The following AKAP9 variants were observed in gnomAD, a reference collection of about 807,000 sequenced individuals.
AKAP9 encodes A-kinase anchoring protein 9.
A neutral mutation model predicts 488.5 loss-of-function variants in AKAP9; 311 were observed. The ratio of observed to expected loss-of-function variants is 0.64; its 90% CI spans 0.58 to 0.70. AKAP9 has a LOEUF of 0.70. Among genes scored for constraint, AKAP9 ranks in the 30% least tolerant of loss-of-function variants. The probability of loss-of-function intolerance (pLI) is 0.00; values close to 1 mark genes in which losing one functional copy is unlikely to be tolerated. For synonymous variants in AKAP9, 1,462 were observed against 1,483.5 expected, an observed-to-expected ratio of 0.99 and a Z score of 0.33; for missense variants, 4,215 against 4,374.5, an observed-to-expected ratio of 0.96 and a Z score of 1.03.
chr7:92,108,619 G>A lies in AKAP9; in HGVS notation c.11672G>A (p.Gly3891Glu). ...TRLEALQRRLGTIQSGSTTQF... is the reference protein window; with the variant it reads ...TRLEALQRRLETIQSGSTTQF... ...CTAGAGGCACTGCAAAGACGACTTG[G>A]AACTATACAGTCAGGTGCTCTGAGT... Residue 3891 changes from glycine (G) to glutamate (E), a missense_variant, in exon 49 of 50, where the codon GGA (glycine) becomes GAA (glutamate). Transcript: ENST00000356239. The A allele has an allele frequency of 6.2e-7, 1 of 1,614,104 alleles. No homozygotes were observed.
chr7:92,093,105 G>A lies in AKAP9; in HGVS notation c.9367G>A (p.Glu3123Lys), dbSNP rs1815924003. 6 of 1,612,742 alleles carry A rather than the reference G, an allele frequency of 3.7e-6. No homozygotes were observed. The highest frequency in any genetic ancestry group is 2.2e-5 in the South Asian group (2 of 91,014). ...ESEKPSQELL[E>K]YNIQQKQSQM... ...AATCATGTTCTGTGTAGAACTCTTG[G>A]AATATAATATACAGCAGAAGCAGTC... The change falls in exon 39 of 50, where the codon GAA (glutamate) becomes AAA (lysine). Residue 3123 changes from glutamate to lysine, a missense_variant. This residue lies in a region of AKAP9 where 1,476 missense variants were observed against 1,477.4 expected (regional missense o/e 1.00). Transcript: ENST00000356239.
At chr7:91,966,259 C>CA (rs905460909) in intron 1 of AKAP9, among the ~76,000 whole-genome samples, 26 of 150,980 alleles carry the variant, frequency 1.7e-4, no homozygotes, top group African/African-American at 5.8e-4. Flanking sequence ...AGATCTTAGA[C>CA]AAAAAAAAAC....
At chr7:92,091,630 C>G (rs1815650960) in intron 38 of AKAP9, among the ~76,000 whole-genome samples, 1 of 146,110 alleles carries the variant, frequency 6.8e-6, no homozygotes, top group East Asian at 2.0e-4. Context: ...AGCATTCTTA[C>G]CACTGAGTTT....
chr7:92,056,608 T>A (rs1473889827), intron 22 of AKAP9, among the ~76,000 whole-genome samples: 1 of 151,504 alleles, frequency 6.6e-6, no homozygotes, highest in African/African-American at 2.4e-5. Flanking sequence ...AAACAAAAAA[T>A]TTTTATTGCC....
intron 38 of AKAP9, chr7:92,090,662 C>A (rs976687059): frequency 2.4e-4 from 37 of 151,414 alleles, no homozygotes; most frequent in African/African-American, 8.2e-4. Flanking sequence ...TATAGATACT[C>A]CAAAATTAAT....
At chr7:92,026,968 C>A (rs1023982313) in intron 14 of AKAP9, among the ~76,000 whole-genome samples, 6 of 142,408 alleles carry the variant, frequency 4.2e-5, no homozygotes, top group Non-Finnish European at 9.2e-5. Flanking sequence ...GTGGGGAGCG[C>A]CTCTGCCCGG....
intron 25 of AKAP9, among the ~76,000 whole-genome samples, chr7:92,066,042 TG>T (rs1410960647): frequency 6.6e-6 from 1 of 152,222 alleles, no homozygotes. Context: ...TTCAAGAAAC[TG>T]ATTTACCAAA....
intron 30 of AKAP9, among the ~76,000 whole-genome samples, chr7:92,078,675 G>C (rs541513373): frequency 4.6e-5 from 7 of 151,764 alleles, no homozygotes; most frequent in Non-Finnish European, 1.0e-4. Flanking sequence ...TTTCAGAAAG[G>C]CTCTGTGACT....
rs769896624 is a variant in AKAP9, at chr7:92,038,568, T to A, written c.4488T>A (p.Asp1496Glu). Residue 1496 changes from aspartate to glutamate, a missense_variant, in exon 17 of 50, where the codon GAT becomes GAA. By Grantham distance (45) the Asp-to-Glu change is conservative. This residue lies in a region of AKAP9 where 2,361 missense variants were observed against 2,430.0 expected (regional missense o/e 0.97). Transcript: ENST00000356239. ...HYFNEMKLSQ[D>E]QIGFQTFETV... ...TTAATGAAATGAAATTATCACAGGA[T>A]CAAATTGGTTTTCAGACTTTTGAGA... 5.6e-6 allele frequency: 9 copies of A among 1,613,936 alleles called. No individual in the cohort carries two copies. Among genetic ancestry groups the A allele is most frequent in the South Asian group, 5.5e-5 (5 of 91,080 alleles).
At chr7:91,956,407 A>G (rs1002470824) in intron 1 of AKAP9, among the ~76,000 whole-genome samples, 8 of 149,860 alleles carry the variant, frequency 5.3e-5, no homozygotes, top group African/African-American at 2.0e-4. Flanking sequence ...CTCAAAAAAA[A>G]AAAAAAAAAA....
chr7:92,065,683 T>C (rs1277880156), intron 25 of AKAP9, among the ~76,000 whole-genome samples: 1 of 152,256 alleles, frequency 6.6e-6, no homozygotes, highest in Non-Finnish European at 1.5e-5. Flanking sequence ...CATTTTATTA[T>C]GTATTGAATT....
chr7:92,084,843 G>T lies in AKAP9; in HGVS notation c.8735G>T (p.Gly2912Val). The T allele has an allele frequency of 6.2e-7, 1 of 1,613,396 alleles. No homozygotes were observed. Among genetic ancestry groups the T allele is most frequent in the South Asian group, 1.1e-5 (1 of 91,028 alleles). ...GATTCTGGATCAGACTGGGGTCAGG[G>T]AATTTATCTTACACACAGTCAGGGA... is the stretch of plus-strand genomic sequence containing the variant. ...SSDSGSDWGQGIYLTHSQGFD... is the reference protein window; with the variant it reads ...SSDSGSDWGQVIYLTHSQGFD... The change falls in exon 35 of 50, where the codon GGA (glycine) becomes GTA (valine). Residue 2912 changes from glycine (G) to valine (V), a missense_variant. This residue lies in a region of AKAP9 where 1,476 missense variants were observed against 1,477.4 expected (regional missense o/e 1.00). Coordinates refer to ENST00000356239, the MANE Select transcript of AKAP9 (RefSeq NM_005751.5).
Position 91,940,966 on chromosome 7 carries a change from G to C in AKAP9, c.-134G>C. The C allele has an allele frequency of 2.1e-6, 2 of 933,688 alleles. No individual in the cohort carries two copies. Among genetic ancestry groups the C allele is most frequent in the Non-Finnish European group, 3.5e-6 (2 of 571,442 alleles). The allele number at this position is 933,688 out of a possible 1,614,324, so 57.8% of individuals were successfully genotyped here. ...AGCGCGGAGACTGCTTCCACTTCGG[G>C]CGGGGGAGCGCCGGACCGAATCGGC... On this transcript the variant is annotated 5_prime_UTR_variant, in exon 1 of 50. Coordinates refer to ENST00000356239, the MANE Select transcript of AKAP9 (RefSeq NM_005751.5).
At chr7:92,037,257 C>T (rs547787261) in intron 16 of AKAP9, among the ~76,000 whole-genome samples, 1 of 152,150 alleles carries the variant, frequency 6.6e-6, no homozygotes, top group East Asian at 1.9e-4. Context: ...GATTTTGAAC[C>T]CCAGCTTCAA....
chr7:92,074,084 A>G (rs1470192183), intron 28 of AKAP9, among the ~76,000 whole-genome samples: 7 of 152,230 alleles, frequency 4.6e-5, no homozygotes, highest in African/African-American at 1.4e-4. Context: ...TGAGCAGGCA[A>G]CCTACAGAAT....
At chr7:91,956,860 G>C (rs1402825740) in intron 1 of AKAP9, among the ~76,000 whole-genome samples, 3 of 151,970 alleles carry the variant, frequency 2.0e-5, no homozygotes, top group Non-Finnish European at 4.4e-5. Context: ...CAGTTGTTTT[G>C]GGCTTCTATT....
At chr7:91,999,383 G>A (rs1020725359) in intron 7 of AKAP9, among the ~76,000 whole-genome samples, 13 of 152,012 alleles carry the variant, frequency 8.6e-5, no homozygotes, top group African/African-American at 3.1e-4. Context: ...CCAGCCCCAC[G>A]CCCAGCTAGT....
intron 20 of AKAP9, among the ~76,000 whole-genome samples, chr7:92,043,740 A>C (rs994307358): frequency 6.6e-6 from 1 of 152,296 alleles, no homozygotes; most frequent in South Asian, 2.1e-4. Flanking sequence ...CGTCTCTTTC[A>C]CTTGACAAAT....
chr7:92,014,371 G>T, intron 10 of AKAP9, 43 bp downstream of exon 10: 1 of 1,387,570 alleles, frequency 7.2e-7, no homozygotes, highest in South Asian at 1.2e-5. Flanking sequence ...TGTGGTGGCT[G>T]ACACTTATAA....
Sources: allele counts gnomAD v4.1 joint callset (sites outside exome capture counted in the v4.1 genomes callset), GRCh38; gene constraint gnomAD v4.1.1; regional missense constraint gnomAD v4.1.1; transcripts MANE v1.5; gene names NCBI Gene and HGNC (gene_info 2026-07-23, HGNC 2026-07-21).